PRH1: variants seen among roughly 807,000 people sequenced by gnomAD.
PRH1 encodes the protein proline rich protein HaeIII subfamily 1.
PRH1 carries 7 observed loss-of-function variants against 7.9 expected under a neutral mutation model. That is an observed-to-expected ratio of 0.89 (90% CI 0.50 to 1.67). PRH1 has a LOEUF of 1.67. Among genes scored for constraint, PRH1 ranks in the 40% most tolerant of loss-of-function variants. The pLI, the probability that PRH1 is intolerant of heterozygous loss-of-function variation, is 0.00. For synonymous variants in PRH1, 45 were observed against 80.8 expected, an observed-to-expected ratio of 0.56 and a Z score of 2.38; for missense variants, 109 against 223.6, an observed-to-expected ratio of 0.49 and a Z score of 3.27.
At chr12:11,022,712 G>T (rs1591829362) in intron 1 of PRH1, 1 of 640,226 alleles carries the variant, frequency 1.6e-6, no homozygotes, top group East Asian at 2.7e-5. Context: ...AGTGTCAACA[G>T]GCAAGCACCA....
intron 1 of PRH1, among the ~76,000 whole-genome samples, chr12:11,103,831 C>T (rs993936031): frequency 7.0e-5 from 10 of 142,560 alleles, no homozygotes; most frequent in Non-Finnish European, 1.6e-4. Flanking sequence ...GTTACTGTGG[C>T]TGTTTATTGT....
At chr12:10,938,476 A>G (rs781045479) in intron 2 of PRH1, 1 of 1,614,044 alleles carries the variant, frequency 6.2e-7, no homozygotes, top group South Asian at 1.1e-5. Flanking sequence ...AAAAAGACAG[A>G]GAGAAAATGG....
At chr12:10,983,116 T>TG (rs780964089) in intron 1 of PRH1, among the ~76,000 whole-genome samples, 38 of 152,152 alleles carry the variant, frequency 2.5e-4, no homozygotes, top group Admixed American at 6.5e-4. Context: ...GCATGCATAG[T>TG]GGGCATTATA....
rs970977617 is a variant in PRH1 at position 10,908,567 on chromosome 12, G to A, written c.-58-24292C>T. The A allele has an allele frequency of 3.7e-6, 6 of 1,613,818 alleles. No homozygotes were observed. The South Asian group carries it at 6.6e-5, about 18-fold the overall frequency. On this transcript the variant is annotated intron_variant, in intron 2 of 3. Transcript: ENST00000539853. ...TCCATGATATGAGAACACATAGAAAGAAACTAGCATAGAATAAAAGGAATG... is the reference window on the plus strand; with the variant it reads ...TCCATGATATGAGAACACATAGAAAAAAACTAGCATAGAATAAAAGGAATG...
chr12:10,927,375 A>G (rs1053715984), intron 2 of PRH1, among the ~76,000 whole-genome samples: 2 of 152,204 alleles, frequency 1.3e-5, no homozygotes, highest in African/African-American at 4.8e-5. Flanking sequence ...TGGTGAAACC[A>G]AAGAAAATAA....
At chr12:11,171,351 T>C (rs1199581820) in intron 1 of PRH1, 3 of 1,231,584 alleles carry the variant, frequency 2.4e-6, no homozygotes, top group Non-Finnish European at 3.0e-6. Flanking sequence ...CGGCGACACC[T>C]GGCTCATGGC....
chr12:11,164,044 C>G (rs1403864616), intron 1 of PRH1, among the ~76,000 whole-genome samples: 1 of 152,152 alleles, frequency 6.6e-6, no homozygotes, highest in Non-Finnish European at 1.5e-5. Flanking sequence ...ACTTTGAGGC[C>G]AGAGGCACCT....
chr12:11,020,363 GATATAT>G (rs71051554), intron 1 of PRH1, among the ~76,000 whole-genome samples: 5 of 87,584 alleles, frequency 5.7e-5, no homozygotes, highest in African/African-American at 1.9e-4. Context: ...TATGATAAGC[GATATAT>G]ATATATATAT....
At chr12:10,978,229 A>C (rs1433042415) in intron 1 of PRH1, among the ~76,000 whole-genome samples, 2 of 152,196 alleles carry the variant, frequency 1.3e-5, no homozygotes, top group Admixed American at 6.5e-5. Flanking sequence ...ACATAGACCA[A>C]GGAAATGGAA....
chr12:11,106,790 A>T (rs1592026282), intron 1 of PRH1, among the ~76,000 whole-genome samples: 1 of 152,198 alleles, frequency 6.6e-6, no homozygotes, highest in Admixed American at 6.5e-5. Context: ...ATGGTCTGAG[A>T]CTTCATTTGA....
rs1447370280 is a variant in PRH1 at position 11,097,734 on chromosome 12, T to C, written n.124-50546A>G. On this transcript the variant is annotated intron_variant and non_coding_transcript_variant, in intron 1 of 4. Transcript: ENST00000541977. ...AATCATTTCATGAGATAGATGAAGA[T>C]ATAGATGATGAAGAGAATGATGATG... Among the ~76,000 whole-genome samples, 2 of 114,176 alleles carry C rather than the reference T, an allele frequency of 1.8e-5. 1 individual carries two copies. The highest frequency in any genetic ancestry group is 4.2e-5 in the Non-Finnish European group (2 of 48,184). 74.9% of individuals were successfully genotyped at this position (114,176 alleles called of 152,430 possible). A position where few individuals can be genotyped will look rare whatever the true frequency, so the allele number is the denominator to read the frequency against.
At position 11,089,382 on chromosome 12, in the gene PRH1, G is replaced by C. The variant is rs536371087; in HGVS notation, n.124-42194C>G. Among the ~76,000 whole-genome samples, 55 of 115,880 alleles carry C rather than the reference G, an allele frequency of 4.7e-4. 17 individuals are homozygous for C. Among genetic ancestry groups the C allele is most frequent in the Non-Finnish European group, 9.2e-4 (45 of 48,908 alleles). The allele number at this position is 115,880 out of a possible 152,430, so 76.0% of individuals were successfully genotyped here. On this transcript the variant is annotated intron_variant and non_coding_transcript_variant, in intron 1 of 4. Coordinates refer to the PRH1 transcript ENST00000541977. ...TTCTCCCTCCTCTCTCACTTCCACG[G>C]ACTAATGCCAGCTGTGGTTTCCCCC...
Position 11,093,050 on chromosome 12 carries a change from A to G in PRH1, n.124-45862T>C, listed in dbSNP as rs1456149593. Among the ~76,000 whole-genome samples the G allele has an allele frequency of 2.6e-5, 3 of 116,378 alleles. 1 individual carries two copies. Among genetic ancestry groups the G allele is most frequent in the Non-Finnish European group, 6.1e-5 (3 of 49,214 alleles). 76.3% of individuals were successfully genotyped at this position (116,378 alleles called of 152,430 possible). On this transcript the variant is annotated intron_variant and non_coding_transcript_variant, in intron 1 of 4. Transcript: ENST00000541977. ...CCTGAATCCTCATTTGCTAGTATGC[A>G]AATAGGGACATATTCACTTTCAGTG...
chr12:10,990,268 C>G (rs1939867802), intron 1 of PRH1, among the ~76,000 whole-genome samples: 1 of 152,026 alleles, frequency 6.6e-6, no homozygotes, highest in Non-Finnish European at 1.5e-5. Context: ...TATCCATTTG[C>G]AGAAAAATGA....
At chr12:11,134,423 G>T in intron 1 of PRH1, 3 of 753,416 alleles carry the variant, frequency 4.0e-6, no homozygotes, top group South Asian at 4.3e-5. Flanking sequence ...CATGCTAATG[G>T]ATAAGTTCAA....
chr12:11,084,290 C>T (rs1202145190), intron 1 of PRH1, among the ~76,000 whole-genome samples: 3 of 134,916 alleles, frequency 2.2e-5, no homozygotes, highest in African/African-American at 8.1e-5. Context: ...CTTTTGTCTA[C>T]TCTGAGCACT....
intron 1 of PRH1, among the ~76,000 whole-genome samples, chr12:11,040,616 G>A (rs576996058): frequency 6.6e-6 from 1 of 152,240 alleles, no homozygotes; most frequent in South Asian, 2.1e-4. Flanking sequence ...TGTAGATGAC[G>A]GGTTGATGGG....
At chr12:11,061,640 G>C (rs1001601109) in intron 1 of PRH1, 1 of 1,614,000 alleles carries the variant, frequency 6.2e-7, no homozygotes, top group South Asian at 1.1e-5. Flanking sequence ...TTCATGCTGG[G>C]ATCTTGAGAT....
rs555855510 is a variant in PRH1, at chr12:11,032,284, T to C, written c.-126+14736A>G. 5.9e-5 allele frequency among the ~76,000 whole-genome samples: 9 copies of C among 152,304 alleles called. No individual in the cohort carries two copies. In the East Asian group the frequency reaches 1.7e-3, roughly 29 times the overall value. On this transcript the variant is annotated intron_variant, in intron 1 of 3. Transcript: ENST00000539853. ...CAATATATATATCATATAGTAAATATCTAAATTCTCAAAGGGAGCTTGGTC... is the reference window on the plus strand; with the variant it reads ...CAATATATATATCATATAGTAAATACCTAAATTCTCAAAGGGAGCTTGGTC...
Sources: allele counts gnomAD v4.1 joint callset (sites outside exome capture counted in the v4.1 genomes callset), GRCh38; gene constraint gnomAD v4.1.1; transcripts MANE v1.5; gene names NCBI Gene and HGNC (gene_info 2026-07-23, HGNC 2026-07-21).